CAND1: variants seen among roughly 807,000 people sequenced by gnomAD.
CAND1 encodes the protein cullin-associated NEDD8-dissociated protein 1.
In CAND1, 7 loss-of-function variants were observed where a neutral mutation model predicts 108.5. The observed-to-expected ratio is 0.06, with a 90% CI of 0.04 to 0.12. The LOEUF is 0.12. Among genes scored for constraint, CAND1 ranks in the 10% least tolerant of loss-of-function variants. The pLI is 1.00. For missense variants in CAND1, 941 were observed against 1,448.7 expected (o/e 0.65, Z 5.69); for synonymous variants, 534 against 512.0 (o/e 1.04, Z -0.58).
chr12:67,302,639 A>G, intron 8 of CAND1, 24 bp downstream of exon 8: 1 of 1,585,694 alleles, frequency 6.3e-7, no homozygotes, highest in Non-Finnish European at 8.6e-7. Context: ...TAAAGTTTAG[A>G]AAATCATGAT....
intron 13 of CAND1, 83 bp downstream of exon 13, chr12:67,310,399 G>T (rs2044936576): frequency 9.9e-7 from 1 of 1,010,296 alleles, no homozygotes; most frequent in Admixed American, 2.5e-5. Flanking sequence ...TTACTCATGT[G>T]TCTGAGAAAA....
chr12:67,269,409 G>C lies in CAND1; in HGVS notation c.-309G>C, dbSNP rs1266714735. On this transcript the variant is annotated 5_prime_UTR_variant, in exon 1 of 15. Coordinates refer to ENST00000545606, the MANE Select transcript of CAND1 (RefSeq NM_018448.5). ...GCGAGTGGGAGCGAGACGGCCCTGA[G>C]TGGAAGTGTCTGGCTCCCCGTAGAG... The C allele has an allele frequency of 5.0e-6, 2 of 396,150 alleles. No homozygotes were observed. Among genetic ancestry groups the C allele is most frequent in the South Asian group, 3.2e-5 (1 of 31,352 alleles). 24.5% of individuals were successfully genotyped at this position (396,150 alleles called of 1,614,324 possible).
chr12:67,282,865 T>A (rs1164741266), intron 2 of CAND1, among the ~76,000 whole-genome samples: 1 of 152,226 alleles, frequency 6.6e-6, no homozygotes, highest in African/African-American at 2.4e-5. Context: ...ATTGTCTTTG[T>A]GTATACATTG....
At chr12:67,275,504 T>G (rs138561745) in intron 1 of CAND1, among the ~76,000 whole-genome samples, 3 of 151,502 alleles carry the variant, frequency 2.0e-5, no homozygotes, top group African/African-American at 7.3e-5. Context: ...GTGGCCTGGG[T>G]GACAGAGGGA....
chr12:67,269,973 C>T (rs1295126181), intron 1 of CAND1, 188 bp downstream of exon 1: 12 of 551,556 alleles, frequency 2.2e-5, no homozygotes, highest in Non-Finnish European at 3.2e-5. Context: ...TTGCAACCCC[C>T]TCCCCCCATT....
intron 11 of CAND1, 99 bp downstream of exon 11, chr12:67,307,591 T>G: frequency 1.3e-6 from 1 of 744,120 alleles, no homozygotes; most frequent in South Asian, 1.7e-5. Context: ...ATTAAAATGC[T>G]TATAAAATAA....
intron 2 of CAND1, among the ~76,000 whole-genome samples, chr12:67,288,273 C>G (rs75953891): frequency 6.6e-6 from 1 of 151,648 alleles, no homozygotes; most frequent in African/African-American, 2.4e-5. Context: ...TGGTTACAGG[C>G]GCACACCATC....
Position 67,305,843 on chromosome 12 carries a change from C to T in CAND1, c.2175C>T (p.Ser725=). 2 of 1,614,190 alleles carry T rather than the reference C, an allele frequency of 1.2e-6. No homozygotes were observed. Among genetic ancestry groups the T allele is most frequent in the East Asian group, 2.2e-5 (1 of 44,884 alleles). ...FLTTLAKVYP[S]SLSKISGSIL... ...CCACTTTGGCAAAAGTATATCCCTCCTCCCTTTCAAAGATAAGTGGATCCA... is the reference window on the plus strand; with the variant it reads ...CCACTTTGGCAAAAGTATATCCCTCTTCCCTTTCAAAGATAAGTGGATCCA... The change falls in exon 10 of 15, where the codon TCC becomes TCT. Residue 725 remains serine, a synonymous_variant. Coordinates refer to ENST00000545606, the MANE Select transcript of CAND1 (RefSeq NM_018448.5). This position sits in a 1 kb window ranked among gnomAD's most constrained non-coding sequence, Gnocchi z 4.4.
intron 1 of CAND1, among the ~76,000 whole-genome samples, chr12:67,274,219 G>T (rs1345259717): frequency 6.6e-6 from 1 of 152,130 alleles, no homozygotes; most frequent in Non-Finnish European, 1.5e-5. Context: ...TTAAGATCTG[G>T]TGCTTACTTT....
intron 1 of CAND1, among the ~76,000 whole-genome samples, chr12:67,279,350 G>C (rs1479944231): frequency 6.6e-6 from 1 of 152,080 alleles, no homozygotes; most frequent in African/African-American, 2.4e-5. Context: ...ATACCTAAAA[G>C]AGTAAATGCT....
In CAND1 at chr12:67,313,071, C is replaced by T. The variant is rs76730083; in HGVS notation, c.*241C>T. ...ACTAGTGTTTTAGTGGTTACAGCAA[C>T]ATTTGAAATGGAAACTAAAAGTTAG... On this transcript the variant is annotated 3_prime_UTR_variant, in exon 15 of 15. Transcript: ENST00000545606. The T allele has an allele frequency of 0.033, 11,521 of 348,062 alleles. 261 individuals carry two copies. Among genetic ancestry groups the T allele is most frequent in the East Asian group, 0.067 (1,449 of 21,622 alleles). The allele number at this position is 348,062 out of a possible 1,614,324, so 21.6% of individuals were successfully genotyped here. A position where few individuals can be genotyped will look rare whatever the true frequency, so the allele number is the denominator to read the frequency against.
chr12:67,272,021 T>A (rs2044525395), intron 1 of CAND1, among the ~76,000 whole-genome samples: 1 of 152,176 alleles, frequency 6.6e-6, no homozygotes, highest in African/African-American at 2.4e-5. Flanking sequence ...TGCTCTTTTT[T>A]AAAAAAATGA....
chr12:67,304,861 A>T, intron 9 of CAND1, 115 bp downstream of exon 9: 1 of 1,222,040 alleles, frequency 8.2e-7, no homozygotes, highest in Non-Finnish European at 1.1e-6. Flanking sequence ...CTTAATATGC[A>T]CATAGAGCTA....
At position 67,297,874 on chromosome 12, in the gene CAND1, T is replaced by C. The variant is rs1231584108; in HGVS notation, c.854+21T>C. 4 of 1,439,162 alleles carry C rather than the reference T, an allele frequency of 2.8e-6. No homozygotes were observed. The Admixed American group carries it at 7.6e-5, about 27-fold the overall frequency. 89.1% of individuals were successfully genotyped at this position (1,439,162 alleles called of 1,614,324 possible). On this transcript the variant is annotated intron_variant, in intron 6 of 14. Coordinates refer to ENST00000545606, the MANE Select transcript of CAND1 (RefSeq NM_018448.5). ...AGAAGGTAAGTTTTTAAGATCTCTATTTTTTACAAAAAGTTTTTCCTTAAG... is the reference window on the plus strand; with the variant it reads ...AGAAGGTAAGTTTTTAAGATCTCTACTTTTTACAAAAAGTTTTTCCTTAAG...
intron 11 of CAND1, 43 bp from the exon 12 acceptor site, chr12:67,309,858 A>C (rs772815611): frequency 3.7e-6 from 5 of 1,366,154 alleles, no homozygotes; most frequent in African/African-American, 2.9e-5. Flanking sequence ...ATTGTATTTT[A>C]AGTTTATCAT....
rs146559613 is a variant in CAND1, at chr12:67,283,437, G to T, written c.212+1384G>T. On this transcript the variant is annotated intron_variant, in intron 2 of 14. Transcript: ENST00000545606. Reference sequence around the variant, plus strand: ...TGTCTCTACTAAAATACAAAAATTAGCCAGGCATGGTGGTGCATGCCTGTA... The same window carrying T: ...TGTCTCTACTAAAATACAAAAATTATCCAGGCATGGTGGTGCATGCCTGTA... Among the ~76,000 whole-genome samples, 569 of 152,162 alleles carry T rather than the reference G, an allele frequency of 3.7e-3. 3 individuals carry two copies. Among genetic ancestry groups the T allele is most frequent in the African/African-American group, 0.013 (539 of 41,510 alleles).
Position 67,271,210 on chromosome 12 carries a change from G to C in CAND1, c.68+1425G>C, listed in dbSNP as rs2289242. On this transcript the variant is annotated intron_variant, in intron 1 of 14. Coordinates refer to ENST00000545606, the MANE Select transcript of CAND1 (RefSeq NM_018448.5). ...TGACATGTTTGTTTTGTGTGTTTTA[G>C]ATTTGTGTAGTTCTAGGGCCAAAAT... Among the ~76,000 whole-genome samples the C allele has an allele frequency of 2.4e-3, 359 of 152,252 alleles. 6 individuals carry two copies. In the East Asian group the frequency reaches 0.028, roughly 12 times the overall value.
intron 1 of CAND1, among the ~76,000 whole-genome samples, chr12:67,271,339 G>A (rs891385593): frequency 3.3e-5 from 5 of 152,168 alleles, no homozygotes; most frequent in Non-Finnish European, 5.9e-5. Context: ...TGGATGAGGT[G>A]TGTGGCGTGA....
At chr12:67,282,317 T>C (rs1372870889) in intron 2 of CAND1, 3 of 298,616 alleles carry the variant, frequency 1.0e-5, no homozygotes, top group African/African-American at 6.6e-5. Flanking sequence ...GTTCTCTCAT[T>C]TGTTTCACTA....
Sources: allele counts gnomAD v4.1 joint callset (sites outside exome capture counted in the v4.1 genomes callset), GRCh38; gene constraint gnomAD v4.1.1; non-coding constraint Gnocchi (gnomAD v3.1); transcripts MANE v1.5; gene names NCBI Gene and HGNC (gene_info 2026-07-23, HGNC 2026-07-21).